The following PPDPFL variants were observed in gnomAD, a reference collection of about 807,000 sequenced individuals.
The protein encoded by PPDPFL is pancreatic progenitor cell differentiation and proliferation factor like, also known as pancreatic progenitor cell differentiation and proliferation factor-like protein.
A neutral mutation model predicts 12.6 loss-of-function variants in PPDPFL; 12 were observed. That is an observed-to-expected ratio of 0.95 (90% CI 0.61 to 1.54). The LOEUF (loss-of-function observed/expected upper bound fraction) is 1.54, where lower values mean the gene tolerates loss of function less well. PPDPFL is among the 40% of genes most tolerant of loss of function. The probability of loss-of-function intolerance (pLI) is 0.00; values close to 1 mark genes in which losing one functional copy is unlikely to be tolerated. For missense variants in PPDPFL, 114 were observed against 96.0 expected (o/e 1.19, Z -0.78); for synonymous variants, 24 against 32.7 (o/e 0.73, Z 0.91).
intron 1 of PPDPFL, among the ~76,000 whole-genome samples, chr8:49,064,022 G>C (rs1208214240): frequency 6.6e-6 from 1 of 152,128 alleles, no homozygotes; most frequent in Non-Finnish European, 1.5e-5. Context: ...TGCAGGCATA[G>C]AGCACTTGCC....
rs187109453 is a variant in PPDPFL at position 49,061,561 on chromosome 8, G to C, written c.-45+7192G>C. Among the ~76,000 whole-genome samples, 56 of 152,286 alleles carry C rather than the reference G, an allele frequency of 3.7e-4. No individual in the cohort carries two copies. In the South Asian group the frequency reaches 4.6e-3, roughly 12 times the overall value. On this transcript the variant is annotated intron_variant, in intron 1 of 4. Coordinates refer to the PPDPFL transcript ENST00000517663. ...CTGCTTTAGTGGTTGCACCATCTCC[G>C]GTGTTTGAGAGGGTCTGGGGAAAGA...
chr8:49,058,016 G>T (rs1488418329), intron 1 of PPDPFL, among the ~76,000 whole-genome samples: 1 of 152,112 alleles, frequency 6.6e-6, no homozygotes, highest in Non-Finnish European at 1.5e-5. Flanking sequence ...GACAAATGCT[G>T]TTTTCCTTAC....
intron 1 of PPDPFL, among the ~76,000 whole-genome samples, chr8:49,066,785 T>G (rs1010312128): frequency 6.6e-6 from 1 of 152,164 alleles, no homozygotes; most frequent in Admixed American, 6.6e-5. Context: ...TTAGAGGCTG[T>G]CTAGAAGATC....
chr8:49,054,360 T>C (rs1355721681), exon 1 of PPDPFL: 1 of 152,188 alleles, frequency 6.6e-6, no homozygotes, highest in Non-Finnish European at 1.5e-5. Flanking sequence ...TCACTTCTAC[T>C]TAAGGCATAG....
At chr8:49,068,964 C>T (rs1333719103), upstream of PPDPFL, among the ~76,000 whole-genome samples, 1 of 152,002 alleles carries the variant, frequency 6.6e-6, no homozygotes, top group Non-Finnish European at 1.5e-5. Context: ...TTAAAGGATA[C>T]TTGTAAGTGA....
At chr8:49,064,898 A>G (rs1414612958) in intron 1 of PPDPFL, among the ~76,000 whole-genome samples, 1 of 152,366 alleles carries the variant, frequency 6.6e-6, no homozygotes, top group Non-Finnish European at 1.5e-5. Flanking sequence ...TTAAACAAAA[A>G]GAATTTGATA....
chr8:49,063,465 G>A (rs944199197), intron 1 of PPDPFL, among the ~76,000 whole-genome samples: 2 of 152,138 alleles, frequency 1.3e-5, no homozygotes, highest in Non-Finnish European at 2.9e-5. Context: ...CATGCCTGTA[G>A]TCCCAGCACT....
In PPDPFL at chr8:49,063,676, C is replaced by T. The variant is rs535814193; in HGVS notation, c.-44-9111C>T. Among the ~76,000 whole-genome samples the T allele has an allele frequency of 4.3e-3, 650 of 152,006 alleles. 4 individuals carry two copies. Among genetic ancestry groups the T allele is most frequent in the African/African-American group, 0.015 (626 of 41,458 alleles). On this transcript the variant is annotated intron_variant, in intron 1 of 4. Transcript: ENST00000517663. ...GAGGTTGCAGTGAGCAGAAATGGCA[C>T]CAGTGCACTCCAGCCTGGGTGTCAG...
At chr8:49,065,719 A>G (rs1413642297) in intron 1 of PPDPFL, among the ~76,000 whole-genome samples, 1 of 152,212 alleles carries the variant, frequency 6.6e-6, no homozygotes, top group Non-Finnish European at 1.5e-5. Flanking sequence ...GAAGGAAATG[A>G]CTGGGCCTGC....
intron 1 of PPDPFL, among the ~76,000 whole-genome samples, chr8:49,057,275 TGAA>T (rs1808125643): frequency 6.6e-6 from 1 of 152,192 alleles, no homozygotes; most frequent in African/African-American, 2.4e-5. Flanking sequence ...TTTATTAGTC[TGAA>T]TGAAGGGTCG....
At chr8:49,064,352 G>T (rs1036257599) in intron 1 of PPDPFL, among the ~76,000 whole-genome samples, 4 of 152,094 alleles carry the variant, frequency 2.6e-5, no homozygotes, top group African/African-American at 9.7e-5. Context: ...GGCCAGAGAG[G>T]GTGGGAGTCA....
At chr8:49,069,506 C>A (rs112103787), upstream of PPDPFL, among the ~76,000 whole-genome samples, 444 of 152,186 alleles carry the variant, frequency 2.9e-3, 2 homozygotes, top group African/African-American at 0.01. Flanking sequence ...GGCAAGGTTG[C>A]AGAGAAAAAG....
chr8:49,058,410 A>C (rs1808144562), intron 1 of PPDPFL, among the ~76,000 whole-genome samples: 1 of 152,242 alleles, frequency 6.6e-6, no homozygotes, highest in African/African-American at 2.4e-5. Flanking sequence ...GAAGACAGTG[A>C]AAGAATACCA....
intron 1 of PPDPFL, among the ~76,000 whole-genome samples, chr8:49,063,070 G>C (rs2129244194): frequency 6.6e-6 from 1 of 152,274 alleles, no homozygotes; most frequent in Non-Finnish European, 1.5e-5. Context: ...TCAAACAAAA[G>C]AACTATGTTG....
At chr8:49,065,423 T>C (rs1298494122) in intron 1 of PPDPFL, among the ~76,000 whole-genome samples, 2 of 152,214 alleles carry the variant, frequency 1.3e-5, no homozygotes, top group Admixed American at 1.3e-4. Context: ...AAAGTGTTTT[T>C]ATAGCATGAT....
upstream of PPDPFL, among the ~76,000 whole-genome samples, chr8:49,071,439 C>T (rs568251348): frequency 2.3e-4 from 35 of 152,172 alleles, 1 homozygote; most frequent in South Asian, 6.2e-3. Context: ...GGGTGGATCA[C>T]GAGGTCAGGA....
At chr8:49,055,622 C>T (rs1485767819) in intron 1 of PPDPFL, among the ~76,000 whole-genome samples, 2 of 152,074 alleles carry the variant, frequency 1.3e-5, no homozygotes, top group East Asian at 1.9e-4. Context: ...ATAATAAATG[C>T]CAGGTCTTGC....
chr8:49,064,719 A>G (rs1017642930), intron 1 of PPDPFL, among the ~76,000 whole-genome samples: 1 of 152,182 alleles, frequency 6.6e-6, no homozygotes, highest in African/African-American at 2.4e-5. Flanking sequence ...CTGAGTTCCT[A>G]CAGTCAGATA....
intron 1 of PPDPFL, among the ~76,000 whole-genome samples, chr8:49,059,853 AT>A (rs1436934202): frequency 1.3e-5 from 2 of 152,328 alleles, no homozygotes; most frequent in East Asian, 3.9e-4. Context: ...GCTTGAGAAA[AT>A]TTAGCCAAGG....
Sources: allele counts gnomAD v4.1 joint callset (sites outside exome capture counted in the v4.1 genomes callset), GRCh38; gene constraint gnomAD v4.1.1; transcripts MANE v1.5; gene names NCBI Gene and HGNC (gene_info 2026-07-23, HGNC 2026-07-21).